The following RARB variants were observed in gnomAD, a reference collection of about 807,000 sequenced individuals.
The protein encoded by RARB is retinoic acid receptor beta.
Under a neutral mutation model 51.9 loss-of-function variants are expected in RARB, and 17 were observed. The ratio of observed to expected loss-of-function variants is 0.33; its 90% CI spans 0.22 to 0.49. RARB has a LOEUF of 0.49. Ranked by LOEUF, RARB falls within the 20% of genes least tolerant of loss-of-function variation. The probability of loss-of-function intolerance (pLI) is 0.99; values close to 1 mark genes in which losing one functional copy is unlikely to be tolerated. For missense variants in RARB, 369 were observed against 550.8 expected, an observed-to-expected ratio of 0.67 and a Z score of 3.30; for synonymous variants, 215 against 195.4, an observed-to-expected ratio of 1.10 and a Z score of -0.84.
chr3:25,542,033 G>A (rs1699405408), intron 3 of RARB, among the ~76,000 whole-genome samples: 1 of 152,224 alleles, frequency 6.6e-6, no homozygotes, highest in Non-Finnish European at 1.5e-5. Flanking sequence ...GGAAAGCTAG[G>A]CATAGCTTAA....
intron 2 of RARB, among the ~76,000 whole-genome samples, chr3:24,882,989 G>A (rs1258346372): frequency 6.6e-6 from 1 of 152,112 alleles, no homozygotes; most frequent in African/African-American, 2.4e-5. Flanking sequence ...GGCGAGATGT[G>A]ATGCCTCAAA....
At chr3:25,146,571 G>T (rs888542508) in intron 4 of RARB, among the ~76,000 whole-genome samples, 1 of 145,410 alleles carries the variant, frequency 6.9e-6, no homozygotes, top group Non-Finnish European at 1.5e-5. Flanking sequence ...GCAATGGCGC[G>T]ATCTCGGCTC....
At chr3:24,991,095 A>G (rs1395123671) in intron 2 of RARB, among the ~76,000 whole-genome samples, 4 of 152,156 alleles carry the variant, frequency 2.6e-5, no homozygotes, top group African/African-American at 7.2e-5. Flanking sequence ...ATTTATTCCA[A>G]TAGTCTTCAA....
chr3:25,504,964 G>T (rs1191509350), intron 3 of RARB, among the ~76,000 whole-genome samples: 2 of 151,858 alleles, frequency 1.3e-5, no homozygotes, highest in Non-Finnish European at 2.9e-5. Flanking sequence ...CATCAAGTTG[G>T]CCAGGCTATT....
chr3:24,976,217 C>T (rs1272856209), intron 2 of RARB, among the ~76,000 whole-genome samples: 3 of 152,238 alleles, frequency 2.0e-5, no homozygotes, highest in Admixed American at 2.0e-4. Flanking sequence ...GTGAATAGTG[C>T]TGCCATGAAC....
intron 3 of RARB, among the ~76,000 whole-genome samples, chr3:25,550,700 A>C (rs764945482): frequency 1.6e-4 from 25 of 152,164 alleles, no homozygotes; most frequent in Non-Finnish European, 3.2e-4. Flanking sequence ...TTAGGTATTA[A>C]GCCTCATATG....
chr3:25,567,400 C>A (rs531746597), intron 3 of RARB, among the ~76,000 whole-genome samples: 1 of 152,306 alleles, frequency 6.6e-6, no homozygotes, highest in Admixed American at 6.5e-5. Context: ...TAGAATCACA[C>A]AATGTGTGGC....
At chr3:25,142,059 C>T (rs531405649) in intron 4 of RARB, among the ~76,000 whole-genome samples, 3 of 152,296 alleles carry the variant, frequency 2.0e-5, no homozygotes, top group Non-Finnish European at 4.4e-5. Flanking sequence ...TGGCCGTGTG[C>T]GGTGGCTCAC....
At chr3:24,997,851 T>G (rs1231531235) in intron 2 of RARB, among the ~76,000 whole-genome samples, 1 of 152,198 alleles carries the variant, frequency 6.6e-6, no homozygotes, top group African/African-American at 2.4e-5. Context: ...CATATATGCA[T>G]TATATCCAAC....
intron 2 of RARB, among the ~76,000 whole-genome samples, chr3:25,032,634 T>A (rs1697899305): frequency 6.6e-6 from 1 of 152,164 alleles, no homozygotes; most frequent in Non-Finnish European, 1.5e-5. Context: ...TACATAGCAC[T>A]GGTCAGGCTG....
At chr3:24,910,958 A>G (rs1002954327) in intron 2 of RARB, among the ~76,000 whole-genome samples, 8 of 152,224 alleles carry the variant, frequency 5.3e-5, no homozygotes, top group Non-Finnish European at 7.3e-5. Flanking sequence ...CAGGGCCAAC[A>G]TAAGTTCTTT....
At chr3:25,304,962 C>A (rs1187783025) in intron 5 of RARB, among the ~76,000 whole-genome samples, 1 of 152,130 alleles carries the variant, frequency 6.6e-6, no homozygotes, top group African/African-American at 2.4e-5. Context: ...TTGTTCTAAG[C>A]CTTTGACATG....
chr3:24,954,034 C>G lies in RARB; in HGVS notation c.-380+95282C>G, dbSNP rs1387982242. ...TTACTGTTTACTTGTTTCTTCCTTT[C>G]TCTCTTTCTCCTTATTTTCCTGCTT... On this transcript the variant is annotated intron_variant, in intron 2 of 11. Transcript: ENST00000383772. 2.0e-5 allele frequency among the ~76,000 whole-genome samples: 3 copies of G among 152,082 alleles called. No individual in the cohort carries two copies. In the East Asian group the frequency reaches 5.8e-4, roughly 29 times the overall value.
intron 3 of RARB, among the ~76,000 whole-genome samples, chr3:25,534,978 A>C (rs1699079131): frequency 6.6e-6 from 1 of 152,216 alleles, no homozygotes; most frequent in African/African-American, 2.4e-5. Context: ...AAATGATCAA[A>C]ATAGCCATGT....
At chr3:25,043,757 A>G (rs557771839) in intron 2 of RARB, among the ~76,000 whole-genome samples, 1 of 152,336 alleles carries the variant, frequency 6.6e-6, no homozygotes, top group South Asian at 2.1e-4. Flanking sequence ...ATGCTCCCTA[A>G]GATGCCGAAG....
At chr3:24,872,186 C>A (rs75607755) in intron 2 of RARB, among the ~76,000 whole-genome samples, 2,453 of 152,254 alleles carry the variant, frequency 0.016, 34 homozygotes, top group South Asian at 0.046. Flanking sequence ...TTCCAACATA[C>A]CCCCTTTCTG....
chr3:25,421,464 T>C (rs763945792), intron 5 of RARB, among the ~76,000 whole-genome samples: 28 of 137,858 alleles, frequency 2.0e-4, no homozygotes, highest in Non-Finnish European at 3.1e-4. Flanking sequence ...TAGGCTGGAG[T>C]GCAGTGGTGC....
chr3:25,013,061 C>T (rs888951231), intron 2 of RARB, among the ~76,000 whole-genome samples: 7 of 152,204 alleles, frequency 4.6e-5, no homozygotes, highest in South Asian at 2.1e-4. Context: ...TTTCATCTGG[C>T]GTGGACCCAC....
intron 2 of RARB, among the ~76,000 whole-genome samples, chr3:24,915,378 A>G (rs1217109449): frequency 6.6e-6 from 1 of 152,190 alleles, no homozygotes; most frequent in African/African-American, 2.4e-5. Context: ...GCATGTGTCA[A>G]TTTTTGTATT....
Sources: allele counts gnomAD v4.1 joint callset (sites outside exome capture counted in the v4.1 genomes callset), GRCh38; gene constraint gnomAD v4.1.1; transcripts MANE v1.5; gene names NCBI Gene and HGNC (gene_info 2026-07-23, HGNC 2026-07-21).